PTPRD: variants seen among roughly 807,000 people sequenced by gnomAD.
The protein encoded by PTPRD is protein tyrosine phosphatase receptor type D, also known as receptor-type tyrosine-protein phosphatase delta.
PTPRD carries 34 observed loss-of-function variants against 214.5 expected under a neutral mutation model. That is an observed-to-expected ratio of 0.16 (90% CI 0.12 to 0.21). The LOEUF (loss-of-function observed/expected upper bound fraction) is 0.21, where lower values mean the gene tolerates loss of function less well. Among genes scored for constraint, PTPRD ranks in the 10% least tolerant of loss-of-function variants. The probability of loss-of-function intolerance (pLI) is 1.00; values close to 1 mark genes in which losing one functional copy is unlikely to be tolerated. For synonymous variants in PTPRD, 1,128 were observed against 845.7 expected, an observed-to-expected ratio of 1.33 and a Z score of -5.79; for missense variants, 2,545 against 2,398.7, an observed-to-expected ratio of 1.06 and a Z score of -1.27.
At chr9:8,323,954 T>C (rs1373756470) in intron 44 of PTPRD, among the ~76,000 whole-genome samples, 1 of 152,154 alleles carries the variant, frequency 6.6e-6, no homozygotes, top group Non-Finnish European at 1.5e-5. Context: ...GCAAACTTCA[T>C]TATTATTTTC....
chr9:8,711,755 T>C (rs899667366), intron 12 of PTPRD, among the ~76,000 whole-genome samples: 1 of 152,180 alleles, frequency 6.6e-6, no homozygotes, highest in Admixed American at 6.5e-5. Flanking sequence ...CACCAGAGAC[T>C]GATAAAACGT....
rs547587375 is a variant in PTPRD, at chr9:9,259,816, G to T, written c.-202-76453C>A. Among the ~76,000 whole-genome samples, 4 of 151,982 alleles carry T rather than the reference G, an allele frequency of 2.6e-5. No individual in the cohort carries two copies. The South Asian group carries it at 8.3e-4, about 32-fold the overall frequency. On this transcript the variant is annotated intron_variant, in intron 9 of 45. Coordinates refer to ENST00000381196, the MANE Select transcript of PTPRD (RefSeq NM_002839.4). ...TCGCACACATGGTCTTCTGAAGGAA[G>T]GATAGAACTCTGACCTAAGGTCCCA...
At chr9:8,435,236 C>T (rs1482012679) in intron 35 of PTPRD, among the ~76,000 whole-genome samples, 1 of 152,172 alleles carries the variant, frequency 6.6e-6, no homozygotes, top group Non-Finnish European at 1.5e-5. Context: ...GAAGGCCATG[C>T]CACAGGCCTC....
intron 10 of PTPRD, among the ~76,000 whole-genome samples, chr9:9,146,248 A>G (rs766948176): frequency 6.6e-6 from 1 of 151,350 alleles, no homozygotes; most frequent in Non-Finnish European, 1.5e-5. Context: ...CTAAAAGTAA[A>G]TTTGTTATTT....
chr9:9,875,817 T>C (rs2066694431), intron 5 of PTPRD, among the ~76,000 whole-genome samples: 2 of 152,154 alleles, frequency 1.3e-5, no homozygotes, highest in African/African-American at 4.8e-5. Context: ...TAAAATGTGA[T>C]AAATATTAAT....
At chr9:8,657,330 C>A (rs553964713) in intron 12 of PTPRD, among the ~76,000 whole-genome samples, 1 of 151,942 alleles carries the variant, frequency 6.6e-6, no homozygotes, top group East Asian at 1.9e-4. Context: ...ACCATACCCA[C>A]CTAATTTTTT....
chr9:8,800,834 C>T (rs1347061671), intron 11 of PTPRD, among the ~76,000 whole-genome samples: 1 of 152,122 alleles, frequency 6.6e-6, no homozygotes, highest in East Asian at 1.9e-4. Flanking sequence ...GACCCCTTTC[C>T]TGTAACAATT....
intron 9 of PTPRD, among the ~76,000 whole-genome samples, chr9:9,185,865 T>A (rs1335434024): frequency 3.8e-5 from 4 of 106,296 alleles, no homozygotes; most frequent in Non-Finnish European, 8.5e-5. Flanking sequence ...TTTTAGATAA[T>A]TTTTTTTCTT....
At chr9:9,072,447 T>A (rs580780) in intron 10 of PTPRD, among the ~76,000 whole-genome samples, 1 of 151,452 alleles carries the variant, frequency 6.6e-6, no homozygotes, top group East Asian at 1.9e-4. Flanking sequence ...AACCACTGGG[T>A]AGAGCAGATG....
At position 8,848,313 on chromosome 9, in the gene PTPRD, CT is replaced by C. The variant is rs371491854; in HGVS notation, c.-103-114368del. Among the ~76,000 whole-genome samples the C allele has an allele frequency of 2.8e-3, 370 of 132,662 alleles. 6 individuals carry two copies. Among genetic ancestry groups the C allele is most frequent in the Non-Finnish European group, 3.6e-3 (230 of 63,190 alleles). The allele number at this position is 132,662 out of a possible 152,430, so 87.0% of individuals were successfully genotyped here. A position where few individuals can be genotyped will look rare whatever the true frequency, so the allele number is the denominator to read the frequency against. ...TACTTATTAATGCTTAAGATTTTTC[CT>C]TTTTTTTTTTTTTTTTTTTTTTTTA... On this transcript the variant is annotated intron_variant, in intron 11 of 45. Coordinates refer to ENST00000381196, the MANE Select transcript of PTPRD (RefSeq NM_002839.4).
At chr9:10,392,718 G>A (rs1204876403) in intron 2 of PTPRD, among the ~76,000 whole-genome samples, 1 of 151,824 alleles carries the variant, frequency 6.6e-6, no homozygotes, top group African/African-American at 2.4e-5. Context: ...CTTATTTGAG[G>A]TTTTATGAAT....
intron 14 of PTPRD, among the ~76,000 whole-genome samples, chr9:8,534,948 T>G (rs1475338832): frequency 2.0e-5 from 3 of 151,948 alleles, no homozygotes; most frequent in Non-Finnish European, 2.9e-5. Context: ...CATCATTCAT[T>G]CTACAAATAT....
chr9:8,524,886 C>G (rs2097982714), intron 18 of PTPRD, 39 bp downstream of exon 18: 2 of 1,564,002 alleles, frequency 1.3e-6, no homozygotes, highest in African/African-American at 1.4e-5. Context: ...CCCCCTGAGC[C>G]TGAATGAAGA....
At chr9:10,068,547 G>A (rs1411480998) in intron 3 of PTPRD, among the ~76,000 whole-genome samples, 1 of 151,812 alleles carries the variant, frequency 6.6e-6, no homozygotes, top group African/African-American at 2.4e-5. Context: ...CATAGACTTT[G>A]AAGATGCGAG....
intron 9 of PTPRD, among the ~76,000 whole-genome samples, chr9:9,197,792 C>A (rs1423899903): frequency 6.6e-6 from 1 of 152,188 alleles, no homozygotes; most frequent in Non-Finnish European, 1.5e-5. Context: ...GTTTCAGATA[C>A]TCAATAAATG....
chr9:9,783,279 G>A (rs10816180), intron 5 of PTPRD, among the ~76,000 whole-genome samples: 44,679 of 151,790 alleles, frequency 0.29, 7,321 homozygotes, highest in East Asian at 0.72. Flanking sequence ...TAAAGTGAGC[G>A]TATTATACAG....
intron 5 of PTPRD, among the ~76,000 whole-genome samples, chr9:9,891,657 A>C (rs769258541): frequency 8.6e-5 from 13 of 151,126 alleles, no homozygotes; most frequent in Non-Finnish European, 1.6e-4. Flanking sequence ...TTTTTTTCAG[A>C]CCTCTAAACA....
intron 4 of PTPRD, among the ~76,000 whole-genome samples, chr9:10,017,765 A>T (rs2096752819): frequency 1.3e-5 from 2 of 152,130 alleles, no homozygotes; most frequent in African/African-American, 4.8e-5. Flanking sequence ...ACATTTTCTT[A>T]TTATATTTAT....
At chr9:9,797,355 A>C (rs934974782) in intron 5 of PTPRD, among the ~76,000 whole-genome samples, 5 of 150,638 alleles carry the variant, frequency 3.3e-5, no homozygotes, top group Non-Finnish European at 7.4e-5. Context: ...ACTATAAATT[A>C]CATATTTAAA....
Sources: allele counts gnomAD v4.1 joint callset (sites outside exome capture counted in the v4.1 genomes callset), GRCh38; gene constraint gnomAD v4.1.1; transcripts MANE v1.5; gene names NCBI Gene and HGNC (gene_info 2026-07-23, HGNC 2026-07-21).